Variants in HSD17B4 observed in about 807,000 individuals in gnomAD.
HSD17B4 encodes peroxisomal multifunctional enzyme type 2.
A neutral mutation model predicts 101.0 loss-of-function variants in HSD17B4; 70 were observed. That is an observed-to-expected ratio of 0.69 (90% CI 0.57 to 0.85). The LOEUF (loss-of-function observed/expected upper bound fraction) is 0.85. HSD17B4 is among the 40% of genes least tolerant of loss of function. The pLI, the probability that HSD17B4 is intolerant of heterozygous loss-of-function variation, is 0.00. For synonymous variants in HSD17B4, 347 were observed against 297.1 expected, an observed-to-expected ratio of 1.17 and a Z score of -1.73; for missense variants, 984 against 892.4, an observed-to-expected ratio of 1.10 and a Z score of -1.31.
In HSD17B4 at chr5:119,504,638, T is replaced by C. The variant is rs528321411; in HGVS notation, c.1262-2180T>C. ...TTTCTTAATGGGATTATTTGTTTTT[T>C]GCTTGTTGAACTACGTTCCTCATAG... On this transcript the variant is annotated intron_variant, in intron 14 of 23. Transcript: ENST00000510025. Among the ~76,000 whole-genome samples, 9 of 152,286 alleles carry C rather than the reference T, an allele frequency of 5.9e-5. No individual in the cohort carries two copies. In the South Asian group the frequency reaches 1.5e-3, roughly 25 times the overall value.
chr5:119,493,855 A>G lies in HSD17B4; in HGVS notation c.777A>G (p.Gln259=). Residue 259 remains glutamine, a synonymous_variant, in exon 11 of 24, where the codon CAA becomes CAG. Coordinates refer to ENST00000510025, the MANE Select transcript of HSD17B4 (RefSeq NM_000414.4). ...GGACTCTTGGAGCTATTGTAAGACA[A>G]AAGAATCACCCAATGACTCCTGAGG... The part of the protein sequence containing the change: ...WERTLGAIVR[Q]KNHPMTPEAV... 1 of 1,613,136 alleles carries G rather than the reference A, an allele frequency of 6.2e-7. No homozygotes were observed. Among genetic ancestry groups the G allele is most frequent in the Non-Finnish European group, 8.5e-7 (1 of 1,179,266 alleles).
chr5:119,521,630 AT>A (rs1458996624), intron 17 of HSD17B4, among the ~76,000 whole-genome samples: 8 of 151,522 alleles, frequency 5.3e-5, no homozygotes, highest in Admixed American at 3.9e-4. Context: ...TTTAATTTTT[AT>A]TTGAATGTGT....
chr5:119,498,597 A>C (rs1021439568), intron 12 of HSD17B4, among the ~76,000 whole-genome samples: 4 of 151,300 alleles, frequency 2.6e-5, no homozygotes, highest in Admixed American at 6.6e-5. Context: ...ATTATGAGGG[A>C]CTGGGCGCAG....
chr5:119,525,885 T>C, intron 18 of HSD17B4, 32 bp from the exon 19 acceptor site: 1 of 1,227,526 alleles, frequency 8.1e-7, no homozygotes, highest in Non-Finnish European at 1.2e-6. Context: ...TAAAGGTACC[T>C]GTATCTAACT....
chr5:119,525,970 C>A lies in HSD17B4; in HGVS notation c.1627C>A (p.Arg543Ser), dbSNP rs775326908. 36 of 1,611,524 alleles carry A rather than the reference C, an allele frequency of 2.2e-5. No homozygotes were observed. The highest frequency in any genetic ancestry group is 3.1e-5 in the Non-Finnish European group (36 of 1,178,086). ...ATGTACATTTGGATTTTCTGCCAGG[C>A]GTGTGTTACAGCAGTTTGCAGATAA... ...GLCTFGFSAR[R>S]VLQQFADNDV... The change falls in exon 19 of 24, where the codon CGT (arginine) becomes AGT (serine). Residue 543 changes from arginine to serine, a missense_variant. Physicochemically the swap from Arg to Ser is moderately radical, Grantham distance 110. Coordinates refer to ENST00000510025, the MANE Select transcript of HSD17B4 (RefSeq NM_000414.4).
chr5:119,522,960 A>AC (rs1219708505), intron 17 of HSD17B4, among the ~76,000 whole-genome samples: 2 of 151,772 alleles, frequency 1.3e-5, no homozygotes, highest in Admixed American at 6.6e-5. Context: ...CTGCTTTTGC[A>AC]CCCCCCAAGC....
chr5:119,494,630 T>C (rs1188258394), intron 11 of HSD17B4, among the ~76,000 whole-genome samples: 2 of 152,120 alleles, frequency 1.3e-5, no homozygotes, highest in Non-Finnish European at 2.9e-5. Context: ...TTAGCTGAGC[T>C]CCTACCACTT....
intron 1 of HSD17B4, among the ~76,000 whole-genome samples, chr5:119,454,207 G>T (rs1754363493): frequency 6.6e-6 from 1 of 152,090 alleles, no homozygotes; most frequent in Non-Finnish European, 1.5e-5. Context: ...CCACAAAATT[G>T]ATTTTGTGAA....
intron 1 of HSD17B4, among the ~76,000 whole-genome samples, chr5:119,454,289 C>G (rs1486816412): frequency 6.6e-6 from 1 of 151,586 alleles, no homozygotes; most frequent in Non-Finnish European, 1.5e-5. Context: ...TCTCTCTTAC[C>G]CATTCAGAGT....
intron 2 of HSD17B4, among the ~76,000 whole-genome samples, chr5:119,461,319 A>C (rs257985): frequency 0.28 from 42,517 of 152,070 alleles, 6,944 homozygotes; most frequent in East Asian, 0.41. Context: ...AATAAATATA[A>C]ATATAAGCCA....
chr5:119,455,958 A>G (rs1182012635), intron 1 of HSD17B4, among the ~76,000 whole-genome samples: 2 of 152,170 alleles, frequency 1.3e-5, no homozygotes, highest in Non-Finnish European at 2.9e-5. Flanking sequence ...CAAGAAAACT[A>G]GCTTCTTAAC....
chr5:119,466,068 G>T (rs1222955280), intron 2 of HSD17B4, among the ~76,000 whole-genome samples: 1 of 152,156 alleles, frequency 6.6e-6, no homozygotes, highest in African/African-American at 2.4e-5. Flanking sequence ...TTTCTCTTGA[G>T]ATGATCAGAT....
chr5:119,500,589 CT>C (rs1000545859), intron 13 of HSD17B4, among the ~76,000 whole-genome samples: 2 of 151,934 alleles, frequency 1.3e-5, no homozygotes, highest in African/African-American at 4.8e-5. Context: ...AGGGAGGGGT[CT>C]AACTGGGTCC....
intron 2 of HSD17B4, among the ~76,000 whole-genome samples, chr5:119,466,358 AT>A: frequency 6.6e-6 from 1 of 152,100 alleles, no homozygotes; most frequent in Non-Finnish European, 1.5e-5. Flanking sequence ...TCCCCCTTCA[AT>A]TTTTTGAAAT....
chr5:119,510,338 C>G (rs534973853), intron 16 of HSD17B4, among the ~76,000 whole-genome samples: 2 of 152,268 alleles, frequency 1.3e-5, no homozygotes, highest in South Asian at 4.1e-4. Context: ...CTAAGTATTT[C>G]TCTTATGCAA....
At position 119,515,057 on chromosome 5, in the gene HSD17B4, A is replaced by G; in HGVS notation, c.1503+11A>G. Reference sequence around the variant, plus strand: ...ACCTCTCTTAATCAGGTAAGATTGTATTTTTGAAAAATGATAAATCCACCT... The same window carrying G: ...ACCTCTCTTAATCAGGTAAGATTGTGTTTTTGAAAAATGATAAATCCACCT... On this transcript the variant is annotated intron_variant, in intron 17 of 23. Coordinates refer to ENST00000510025, the MANE Select transcript of HSD17B4 (RefSeq NM_000414.4). 6.6e-7 allele frequency: 1 copy of G among 1,511,002 alleles called. No individual in the cohort carries two copies. The highest frequency in any genetic ancestry group is 1.1e-5 in the South Asian group (1 of 88,930). 93.6% of individuals were successfully genotyped at this position (1,511,002 alleles called of 1,614,324 possible). A position where few individuals can be genotyped will look rare whatever the true frequency, so the allele number is the denominator to read the frequency against.
rs34414937 is a variant in HSD17B4 at position 119,475,924 on chromosome 5, TA to T, written c.349+55del. On this transcript the variant is annotated intron_variant, in intron 6 of 23. Coordinates refer to ENST00000510025, the MANE Select transcript of HSD17B4 (RefSeq NM_000414.4). ...AACATACTTATCCATTTAGCCTTTT[TA>T]GTATTTGATAAATTTATACATTTAA... 2.4e-5 allele frequency: 31 copies of T among 1,296,184 alleles called. No homozygotes were observed. The African/African-American group carries it at 4.5e-4, about 19-fold the overall frequency. 80.3% of individuals were successfully genotyped at this position (1,296,184 alleles called of 1,614,324 possible).
chr5:119,464,890 G>A (rs967026406), intron 2 of HSD17B4, among the ~76,000 whole-genome samples: 2 of 152,172 alleles, frequency 1.3e-5, no homozygotes, highest in East Asian at 1.9e-4. Flanking sequence ...CACCGCGCCC[G>A]GCCTTTGGTA....
intron 18 of HSD17B4, chr5:119,525,612 C>A (rs758888156): frequency 7.7e-6 from 4 of 517,546 alleles, no homozygotes; most frequent in Non-Finnish European, 1.4e-5. Flanking sequence ...GGATCATGTA[C>A]CTGTGTGGAT....
Sources: allele counts gnomAD v4.1 joint callset (sites outside exome capture counted in the v4.1 genomes callset), GRCh38; gene constraint gnomAD v4.1.1; transcripts MANE v1.5; gene names NCBI Gene and HGNC (gene_info 2026-07-23, HGNC 2026-07-21).